The following CHD7 variants were observed in gnomAD, a reference collection of about 807,000 sequenced individuals.
CHD7 encodes chromodomain helicase DNA binding protein 7, also known as ATP-dependent chromatin remodeler CHD7.
CHD7 carries 24 observed loss-of-function variants against 307.3 expected under a neutral mutation model. That is an observed-to-expected ratio of 0.08 (90% CI 0.06 to 0.11). The LOEUF (loss-of-function observed/expected upper bound fraction) is 0.11. CHD7 is among the 10% of genes least tolerant of loss of function. CHD7 has a pLI of 1.00. For missense variants in CHD7, 3,106 were observed against 3,727.1 expected, an observed-to-expected ratio of 0.83 and a Z score of 4.34; for synonymous variants, 1,363 against 1,349.9, an observed-to-expected ratio of 1.01 and a Z score of -0.21.
At chr8:60,767,904 A>G (rs1490647575) in intron 2 of CHD7, among the ~76,000 whole-genome samples, 1 of 152,262 alleles carries the variant, frequency 6.6e-6, no homozygotes, top group African/African-American at 2.4e-5. Context: ...TATATTCAGC[A>G]TAGACTAAAG....
intron 1 of CHD7, 52 bp from the exon 2 acceptor site, chr8:60,741,207 C>T: frequency 1.8e-6 from 1 of 548,254 alleles, no homozygotes; most frequent in Non-Finnish European, 3.2e-6. Context: ...ATCATTGGAT[C>T]CTAATTCTTT....
chr8:60,767,919 T>C (rs1214343713), intron 2 of CHD7, among the ~76,000 whole-genome samples: 1 of 152,230 alleles, frequency 6.6e-6, no homozygotes, highest in Non-Finnish European at 1.5e-5. Context: ...CTAAAGTTAC[T>C]GCGAGAAAAC....
intron 1 of CHD7, among the ~76,000 whole-genome samples, chr8:60,708,836 T>A (rs1024052334): frequency 1.4e-4 from 21 of 152,238 alleles, no homozygotes; most frequent in Admixed American, 1.1e-3. Flanking sequence ...TTACCTTATA[T>A]TGTCCTTTCA....
chr8:60,761,999 T>C (rs1810230770), intron 2 of CHD7, among the ~76,000 whole-genome samples: 1 of 152,148 alleles, frequency 6.6e-6, no homozygotes, highest in African/African-American at 2.4e-5. Context: ...ATATGAGTAC[T>C]GTTGTATTCT....
intron 15 of CHD7, among the ~76,000 whole-genome samples, chr8:60,831,840 A>ATTC (rs1804531974): frequency 6.6e-6 from 1 of 152,124 alleles, no homozygotes; most frequent in Non-Finnish European, 1.5e-5. Context: ...AGGACAGCTA[A>ATTC]TTTAAAGAAT....
intron 1 of CHD7, among the ~76,000 whole-genome samples, chr8:60,727,873 G>A (rs1429532050): frequency 6.6e-6 from 1 of 152,072 alleles, no homozygotes; most frequent in Non-Finnish European, 1.5e-5. Flanking sequence ...CTTCTCTTCT[G>A]TTCCCCACAT....
chr8:60,805,133 G>T (rs1402536932), intron 6 of CHD7, among the ~76,000 whole-genome samples: 2 of 152,144 alleles, frequency 1.3e-5, no homozygotes, highest in South Asian at 4.1e-4. Context: ...AGGTTTTAGG[G>T]TAGGGGCTGT....
At chr8:60,737,380 A>G (rs1171475222) in intron 1 of CHD7, among the ~76,000 whole-genome samples, 1 of 152,184 alleles carries the variant, frequency 6.6e-6, no homozygotes, top group Non-Finnish European at 1.5e-5. Context: ...TGTTTCATTC[A>G]TTCATTCATT....
At chr8:60,819,204 T>C (rs915167398) in intron 8 of CHD7, among the ~76,000 whole-genome samples, 4 of 152,128 alleles carry the variant, frequency 2.6e-5, no homozygotes, top group African/African-American at 7.2e-5. Flanking sequence ...CCGCCTGCCT[T>C]GGCCTCCCAA....
chr8:60,847,978 G>A (rs750012719), intron 23 of CHD7, among the ~76,000 whole-genome samples: 3 of 151,936 alleles, frequency 2.0e-5, no homozygotes, highest in South Asian at 2.1e-4. Flanking sequence ...TTCCTTTCTC[G>A]GAAGCAAAGT....
chr8:60,867,480 T>C lies in CHD7; in HGVS notation c.*1547T>C, dbSNP rs1806277673. 1.3e-5 allele frequency: 2 copies of C among 152,242 alleles called. No individual in the cohort carries two copies. The highest frequency in any genetic ancestry group is 2.9e-5 in the Non-Finnish European group (2 of 68,038). 9.4% of individuals were successfully genotyped at this position (152,242 alleles called of 1,614,324 possible). A position where few individuals can be genotyped will look rare whatever the true frequency, so the allele number is the denominator to read the frequency against. On this transcript the variant is annotated 3_prime_UTR_variant, in exon 38 of 38. Transcript: ENST00000423902. ...GATTTGTGGACCCCTTTTTGACCTT[T>C]GGTATTTAAAGTAAAATATAATTTG...
chr8:60,707,820 C>T (rs1049012491), intron 1 of CHD7, among the ~76,000 whole-genome samples: 1 of 152,188 alleles, frequency 6.6e-6, no homozygotes, highest in Non-Finnish European at 1.5e-5. Context: ...AGCCATTTCA[C>T]TATAAGTATA....
At chr8:60,782,861 A>G (rs192873708) in intron 3 of CHD7, among the ~76,000 whole-genome samples, 20 of 152,364 alleles carry the variant, frequency 1.3e-4, no homozygotes, top group African/African-American at 4.6e-4. Context: ...GTAGTTTAAA[A>G]AATAAGTAAT....
In CHD7 at chr8:60,758,711, G is replaced by C. The variant is rs75739095; in HGVS notation, c.1665+15614G>C. Among the ~76,000 whole-genome samples the C allele has an allele frequency of 8.9e-4, 136 of 152,118 alleles. 2 individuals are homozygous for C. The highest frequency in any genetic ancestry group is 3.2e-3 in the African/African-American group (131 of 41,490). ...CAATATTCCTTAAAAAAACAAAAAG[G>C]GTGGCCCATTCAACTCACAACTCTA... On this transcript the variant is annotated intron_variant, in intron 2 of 37. Transcript: ENST00000423902.
intron 1 of CHD7, among the ~76,000 whole-genome samples, chr8:60,694,233 G>A (rs1170806005): frequency 6.6e-6 from 1 of 152,240 alleles, no homozygotes; most frequent in Non-Finnish European, 1.5e-5. Flanking sequence ...TTTTTTCAAA[G>A]ATAAATAAGA....
At chr8:60,798,638 C>G (rs1403313052) in intron 4 of CHD7, among the ~76,000 whole-genome samples, 1 of 152,188 alleles carries the variant, frequency 6.6e-6, no homozygotes, top group Non-Finnish European at 1.5e-5. Context: ...CTCTGCCTTA[C>G]TTTCTCAACT....
At chr8:60,702,897 G>A (rs981595998) in intron 1 of CHD7, among the ~76,000 whole-genome samples, 3 of 152,212 alleles carry the variant, frequency 2.0e-5, no homozygotes, top group Admixed American at 1.3e-4. Context: ...GTGAGAGAGA[G>A]TGAGCGAGAG....
At chr8:60,719,083 G>A (rs1020586530) in intron 1 of CHD7, among the ~76,000 whole-genome samples, 2 of 152,170 alleles carry the variant, frequency 1.3e-5, no homozygotes, top group African/African-American at 2.4e-5. Flanking sequence ...ATCACTTAGC[G>A]ACACATTTCT....
intron 1 of CHD7, among the ~76,000 whole-genome samples, chr8:60,707,315 C>A (rs1807070467): frequency 6.6e-6 from 1 of 152,162 alleles, no homozygotes; most frequent in African/African-American, 2.4e-5. Context: ...TCCTCTACAT[C>A]CAGCAGTCTC....
Sources: allele counts gnomAD v4.1 joint callset (sites outside exome capture counted in the v4.1 genomes callset), GRCh38; gene constraint gnomAD v4.1.1; transcripts MANE v1.5; gene names NCBI Gene and HGNC (gene_info 2026-07-23, HGNC 2026-07-21).